Variants in NDEL1 observed in about 807,000 individuals in gnomAD.
NDEL1 encodes nuclear distribution protein nudE-like 1.
NDEL1 carries 9 observed loss-of-function variants against 45.7 expected under a neutral mutation model. The observed-to-expected ratio is 0.20, with a 90% CI of 0.12 to 0.34. The LOEUF is 0.34. Ranked by LOEUF, NDEL1 falls within the 10% of genes least tolerant of loss-of-function variation. The pLI is 1.00. For synonymous variants in NDEL1, 133 were observed against 158.6 expected, an observed-to-expected ratio of 0.84 and a Z score of 1.21; for missense variants, 306 against 406.2, an observed-to-expected ratio of 0.75 and a Z score of 2.12.
intron 6 of NDEL1, among the ~76,000 whole-genome samples, chr17:8,452,318 C>T (rs951231544): frequency 1.3e-5 from 2 of 152,174 alleles, no homozygotes; most frequent in African/African-American, 2.4e-5. Context: ...GCCTCAGGTG[C>T]GGTGACACCC....
chr17:8,445,629 A>G (rs1231393950), intron 2 of NDEL1, 82 bp from the exon 3 acceptor site: 1 of 1,444,920 alleles, frequency 6.9e-7, no homozygotes, highest in Non-Finnish European at 9.2e-7. Flanking sequence ...AGCAAAAATT[A>G]TCGAATTGCT....
Position 8,448,558 on chromosome 17 carries a change from T to C in NDEL1, c.398T>C (p.Ile133Thr), listed in dbSNP as rs1597540132. The change falls in exon 5 of 9, where the codon ATA becomes ACA. Residue 133 changes from isoleucine to threonine, a missense_variant. Ile to Thr is a moderately conservative substitution (Grantham distance 89). This residue lies in a region of NDEL1 where 112 missense variants were observed against 148.3 expected (regional missense o/e 0.76). Transcript: ENST00000334527. ...DDLERAKRAT[I>T]VSLEDFEQRL... ...CTAATTTTTCTTTTTAGGGCAACAA[T>C]AGTTTCACTGGAAGACTTTGAACAA... 1 of 1,612,478 alleles carries C rather than the reference T, an allele frequency of 6.2e-7. No homozygotes were observed. Among genetic ancestry groups the C allele is most frequent in the Admixed American group, 1.7e-5 (1 of 59,612 alleles).
intron 1 of NDEL1, among the ~76,000 whole-genome samples, chr17:8,427,668 A>T (rs1214503334): frequency 6.6e-6 from 1 of 152,170 alleles, no homozygotes; most frequent in Non-Finnish European, 1.5e-5. Context: ...AGCTCGCGCC[A>T]CTGCACTCCA....
At chr17:8,450,685 G>T in intron 5 of NDEL1, 95 bp from the exon 6 acceptor site, 1 of 1,075,814 alleles carries the variant, frequency 9.3e-7, no homozygotes, top group Non-Finnish European at 1.3e-6. Context: ...TAGTAATTTA[G>T]GAAGAAGACC....
upstream of NDEL1, among the ~76,000 whole-genome samples, chr17:8,434,205 G>A (rs542321355): frequency 6.6e-6 from 1 of 152,326 alleles, no homozygotes; most frequent in South Asian, 2.1e-4. Context: ...AAGATTGCCT[G>A]AAGTCAGGAG....
chr17:8,452,667 TTCTC>T (rs1910579755), intron 6 of NDEL1, among the ~76,000 whole-genome samples: 1 of 151,510 alleles, frequency 6.6e-6, no homozygotes, highest in Admixed American at 6.6e-5. Flanking sequence ...CAATGTTTGT[TTCTC>T]TTTCTTTCTT....
chr17:8,414,826 A>G (rs1228722766), intron 1 of NDEL1, among the ~76,000 whole-genome samples: 1 of 151,742 alleles, frequency 6.6e-6, no homozygotes, highest in Non-Finnish European at 1.5e-5. Flanking sequence ...TCATTTGCTT[A>G]GTTTTTAGAT....
At chr17:8,463,618 C>G (rs1413664820) in intron 8 of NDEL1, among the ~76,000 whole-genome samples, 1 of 152,210 alleles carries the variant, frequency 6.6e-6, no homozygotes, top group Non-Finnish European at 1.5e-5. Flanking sequence ...CTGAGATGGG[C>G]TAGGGCGCTG....
At chr17:8,435,671 A>G (rs116629453), upstream of NDEL1, among the ~76,000 whole-genome samples, 1,721 of 152,382 alleles carry the variant, frequency 0.011, 30 homozygotes, top group African/African-American at 0.039. Flanking sequence ...GGAACTGCAC[A>G]AGCCAAAACC....
At chr17:8,473,581 A>G (rs1339315540) in intron 3 of NDEL1, among the ~76,000 whole-genome samples, 1 of 152,172 alleles carries the variant, frequency 6.6e-6, no homozygotes, top group Non-Finnish European at 1.5e-5. Flanking sequence ...CTGAAGCACC[A>G]TACCTGTGAC....
In NDEL1 at chr17:8,466,952, G is replaced by T. The variant is rs8080582; in HGVS notation, c.967G>T (p.Ala323Ser). Residue 323 changes from alanine (A) to serine (S), a missense_variant, in exon 9 of 9, where the codon GCT (alanine) becomes TCT (serine). By Grantham distance (99) the Ala-to-Ser change is moderately conservative (BLOSUM62 1). Transcript: ENST00000334527. ...DKGAVNGFDP[A>S]PPPPGLGSSR... ...CAGGGCAGTAAACGGCTTTGACCCCGCTCCTCCTCCTCCTGGTCTGGGCTC... is the reference window on the plus strand; with the variant it reads ...CAGGGCAGTAAACGGCTTTGACCCCTCTCCTCCTCCTCCTGGTCTGGGCTC... 2 of 1,613,984 alleles carry T rather than the reference G, an allele frequency of 1.2e-6. No homozygotes were observed.
intron 1 of NDEL1, among the ~76,000 whole-genome samples, chr17:8,429,338 A>G (rs926102518): frequency 1.3e-5 from 2 of 152,080 alleles, no homozygotes; most frequent in Non-Finnish European, 2.9e-5. Context: ...ATATTAAGAC[A>G]ATCAACACTG....
At chr17:8,449,497 T>G (rs1329715037) in intron 5 of NDEL1, among the ~76,000 whole-genome samples, 2 of 152,206 alleles carry the variant, frequency 1.3e-5, no homozygotes, top group Non-Finnish European at 2.9e-5. Flanking sequence ...AAACAAATTT[T>G]TAGAACTTTT....
chr17:8,467,594 T>G lies in NDEL1; in HGVS notation c.*571T>G. The G allele has an allele frequency of 2.4e-5, 4 of 164,756 alleles. No individual in the cohort carries two copies. The highest frequency in any genetic ancestry group is 3.9e-5 in the Non-Finnish European group (3 of 76,394). The allele number at this position is 164,756 out of a possible 1,614,324, so 10.2% of individuals were successfully genotyped here. A position where few individuals can be genotyped will look rare whatever the true frequency, so the allele number is the denominator to read the frequency against. On this transcript the variant is annotated 3_prime_UTR_variant, in exon 9 of 9. Transcript: ENST00000334527. This position sits in a 1 kb window ranked among gnomAD's most constrained non-coding sequence, Gnocchi z 6.3. ...TCTGATTTTACTTAAGCAGCTACCA[T>G]TCCATGGACTTGCCTCCCAGAGCAG...
chr17:8,457,439 G>A (rs1429378207), intron 7 of NDEL1, among the ~76,000 whole-genome samples: 3 of 152,200 alleles, frequency 2.0e-5, no homozygotes, highest in Admixed American at 2.0e-4. Flanking sequence ...TACACATTCA[G>A]CTGACAATCC....
At chr17:8,447,723 T>G (rs143974727) in intron 4 of NDEL1, among the ~76,000 whole-genome samples, 1 of 152,224 alleles carries the variant, frequency 6.6e-6, no homozygotes, top group African/African-American at 2.4e-5. Flanking sequence ...GTGTAATTAG[T>G]TGTTTCTTAA....
chr17:8,437,963 A>G lies in NDEL1; in HGVS notation c.-13+1918A>G, dbSNP rs1182979476. Among the ~76,000 whole-genome samples the G allele has an allele frequency of 4.6e-5, 7 of 151,642 alleles. No individual in the cohort carries two copies. The East Asian group carries it at 1.4e-3, about 29-fold the overall frequency. ...GGGGTGGGGGCGGGCAGAGAATAAT[A>G]ATTTTTTTTTTCTTTGATGGAGTCT... On this transcript the variant is annotated intron_variant, in intron 1 of 8. Transcript: ENST00000334527.
chr17:8,437,545 A>T (rs1038031187), intron 1 of NDEL1, among the ~76,000 whole-genome samples: 1 of 152,222 alleles, frequency 6.6e-6, no homozygotes, highest in African/African-American at 2.4e-5. Context: ...CACTCCATAA[A>T]GTAAAAAAGA....
chr17:8,418,757 T>C (rs1908632103), intron 1 of NDEL1, among the ~76,000 whole-genome samples: 1 of 149,472 alleles, frequency 6.7e-6, no homozygotes, highest in African/African-American at 2.5e-5. Context: ...CCTTCCTTCC[T>C]TCCCTCCCTC....
Sources: allele counts gnomAD v4.1 joint callset (sites outside exome capture counted in the v4.1 genomes callset), GRCh38; gene constraint gnomAD v4.1.1; regional missense constraint gnomAD v4.1.1; non-coding constraint Gnocchi (gnomAD v3.1); transcripts MANE v1.5; gene names NCBI Gene and HGNC (gene_info 2026-07-23, HGNC 2026-07-21).